The following SHANK2 variants were observed in gnomAD, a reference collection of about 807,000 sequenced individuals.
SHANK2 encodes SH3 and multiple ankyrin repeat domains protein 2.
SHANK2 carries 43 observed loss-of-function variants against 133.7 expected under a neutral mutation model. The observed-to-expected ratio is 0.32, with a 90% CI of 0.25 to 0.41. SHANK2 has a LOEUF of 0.41. Among genes scored for constraint, SHANK2 ranks in the 10% least tolerant of loss-of-function variants. The probability of loss-of-function intolerance (pLI) is 1.00; values close to 1 mark genes in which losing one functional copy is unlikely to be tolerated. For missense variants in SHANK2, 1,994 were observed against 2,235.8 expected (o/e 0.89, Z 2.18); for synonymous variants, 1,017 against 952.8 (o/e 1.07, Z -1.24).
chr11:70,827,745 G>A (rs1272482916), intron 11 of SHANK2, among the ~76,000 whole-genome samples: 1 of 146,326 alleles, frequency 6.8e-6, no homozygotes, highest in East Asian at 2.0e-4. Flanking sequence ...AGAAAGACGA[G>A]ACAAGACGAG....
intron 3 of SHANK2, among the ~76,000 whole-genome samples, chr11:71,123,827 C>T (rs2135289635): frequency 6.6e-6 from 1 of 152,290 alleles, no homozygotes; most frequent in African/African-American, 2.4e-5. Flanking sequence ...TAAAGGATTA[C>T]TGGAGGAAAC....
intron 14 of SHANK2, among the ~76,000 whole-genome samples, chr11:70,707,999 G>A (rs923888479): frequency 2.0e-5 from 3 of 152,168 alleles, no homozygotes; most frequent in Non-Finnish European, 2.9e-5. Context: ...GGTGTGCACC[G>A]AGGACATCAC....
At chr11:71,146,662 G>C (rs1167978879) in intron 3 of SHANK2, among the ~76,000 whole-genome samples, 2 of 152,232 alleles carry the variant, frequency 1.3e-5, no homozygotes, top group Non-Finnish European at 2.9e-5. Flanking sequence ...CCCCCTGGAA[G>C]TGGGGGAGCA....
chr11:71,146,257 G>T (rs1276841011), intron 3 of SHANK2, among the ~76,000 whole-genome samples: 1 of 152,228 alleles, frequency 6.6e-6, no homozygotes, highest in Non-Finnish European at 1.5e-5. Context: ...GTGGCTGGGC[G>T]ACTGGCCCCC....
At chr11:70,540,679 A>G (rs1464887645) in intron 17 of SHANK2, among the ~76,000 whole-genome samples, 4 of 151,836 alleles carry the variant, frequency 2.6e-5, no homozygotes, top group African/African-American at 9.7e-5. Context: ...AAAACTTCCA[A>G]CCTGCCCAAC....
chr11:71,197,974 G>A (rs1177037448), intron 2 of SHANK2, among the ~76,000 whole-genome samples: 14 of 152,180 alleles, frequency 9.2e-5, no homozygotes, highest in African/African-American at 3.4e-4. Flanking sequence ...AGAAGTCCAA[G>A]TTCAAACACA....
chr11:70,772,906 C>T (rs184222482), intron 14 of SHANK2, among the ~76,000 whole-genome samples: 4 of 152,306 alleles, frequency 2.6e-5, no homozygotes, highest in African/African-American at 7.2e-5. Flanking sequence ...CAGAAGATCC[C>T]CATGTATATG....
At chr11:71,172,892 G>A (rs781893555) in intron 2 of SHANK2, among the ~76,000 whole-genome samples, 2 of 152,238 alleles carry the variant, frequency 1.3e-5, no homozygotes, top group Admixed American at 6.5e-5. Context: ...ATGTGAGAAC[G>A]TGATCAAAAA....
intron 3 of SHANK2, among the ~76,000 whole-genome samples, chr11:71,131,436 T>G (rs1555103685): frequency 6.6e-6 from 1 of 152,192 alleles, no homozygotes; most frequent in Non-Finnish European, 1.5e-5. Context: ...AGCTGTGGAT[T>G]CGTTTTTCCA....
chr11:71,178,433 G>C (rs782365049), intron 2 of SHANK2, among the ~76,000 whole-genome samples: 8 of 152,178 alleles, frequency 5.3e-5, no homozygotes, highest in Non-Finnish European at 1.2e-4. Flanking sequence ...AAAGAGACGG[G>C]AGAGGAACTA....
intron 9 of SHANK2, among the ~76,000 whole-genome samples, chr11:71,064,645 A>AGGGTGAGAAGGGTGGTGG (rs1951026188): frequency 4.9e-5 from 7 of 144,242 alleles, no homozygotes; most frequent in Admixed American, 4.8e-4. Flanking sequence ...GCCCCAGGCA[A>AGGGTGAGAAGGGTGGTGG]GGGTGAGAAG....
At chr11:70,778,750 C>T (rs147851905) in intron 14 of SHANK2, among the ~76,000 whole-genome samples, 58 of 152,284 alleles carry the variant, frequency 3.8e-4, no homozygotes, top group African/African-American at 1.3e-3. Context: ...GCTGCCCATT[C>T]TACAGTATTT....
intron 14 of SHANK2, among the ~76,000 whole-genome samples, chr11:70,788,808 C>T (rs1947724369): frequency 1.3e-5 from 2 of 152,152 alleles, no homozygotes; most frequent in African/African-American, 4.8e-5. Context: ...CTATAGGAGA[C>T]AGGAGGTGAC....
chr11:70,783,236 A>T (rs2135124679), intron 14 of SHANK2, among the ~76,000 whole-genome samples: 1 of 152,224 alleles, frequency 6.6e-6, no homozygotes, highest in South Asian at 2.1e-4. Context: ...TGGACTGACA[A>T]TGAGGTCCAG....
chr11:71,210,243 TATA>T lies in SHANK2; in HGVS notation c.-13+14451_-13+14453del, dbSNP rs1565516758. On this transcript the variant is annotated intron_variant, in intron 2 of 25. Coordinates refer to ENST00000601538, the MANE Select transcript of SHANK2 (RefSeq NM_012309.5). ...ATATATATATATATATATATATATATATATATATATTTATTTATTTTTTGAAAC... is the reference window on the plus strand; with the variant it reads ...ATATATATATATATATATATATATATTATATATTTATTTATTTTTTGAAAC... Among the ~76,000 whole-genome samples, 8 of 109,028 alleles carry T rather than the reference TATA, an allele frequency of 7.3e-5. 1 individual carries two copies. Among genetic ancestry groups the T allele is most frequent in the Non-Finnish European group, 1.0e-4 (6 of 58,580 alleles). The allele number at this position is 109,028 out of a possible 152,430, so 71.5% of individuals were successfully genotyped here.
chr11:71,103,691 G>A (rs1186621228), intron 6 of SHANK2, among the ~76,000 whole-genome samples: 1 of 152,168 alleles, frequency 6.6e-6, no homozygotes, highest in Non-Finnish European at 1.5e-5. Flanking sequence ...TGGAGGTGGG[G>A]CCTGGTGGGA....
At chr11:70,503,054 G>T in intron 17 of SHANK2, 123 bp from the exon 18 acceptor site, 1 of 1,053,518 alleles carries the variant, frequency 9.5e-7, no homozygotes, top group Non-Finnish European at 1.5e-6. Flanking sequence ...AGCAAAGGGA[G>T]TGAGACCGTC....
chr11:70,889,674 C>A (rs1555074263), intron 11 of SHANK2, among the ~76,000 whole-genome samples: 2 of 152,314 alleles, frequency 1.3e-5, no homozygotes, highest in Admixed American at 1.3e-4. Context: ...CACACAAGTT[C>A]CCCAAGGGAC....
intron 7 of SHANK2, 141 bp downstream of exon 7, chr11:71,094,396 G>A (rs1445695856): frequency 2.4e-5 from 18 of 743,826 alleles, no homozygotes; most frequent in South Asian, 5.0e-5. Context: ...AGCTCCAGCC[G>A]GAACACTGTG....
Sources: allele counts gnomAD v4.1 joint callset (sites outside exome capture counted in the v4.1 genomes callset), GRCh38; gene constraint gnomAD v4.1.1; transcripts MANE v1.5; gene names NCBI Gene and HGNC (gene_info 2026-07-23, HGNC 2026-07-21).